The following LYPD6 variants were observed in gnomAD, a reference collection of about 807,000 sequenced individuals.
The protein encoded by LYPD6 is ly6/PLAUR domain-containing protein 6.
LYPD6 carries 15 observed loss-of-function variants against 22.7 expected under a neutral mutation model. That is an observed-to-expected ratio of 0.66 (90% confidence interval 0.44 to 1.02). The LOEUF is 1.02. Among genes scored for constraint, LYPD6 ranks in the 50% least tolerant of loss-of-function variants. The pLI, the probability that LYPD6 is intolerant of heterozygous loss-of-function variation, is 0.00. For missense variants in LYPD6, 189 were observed against 208.4 expected (o/e 0.91, Z 0.57); for synonymous variants, 72 against 77.5 (o/e 0.93, Z 0.37).
intron 1 of LYPD6, among the ~76,000 whole-genome samples, chr2:149,354,759 T>A (rs1020900552): frequency 1.3e-5 from 2 of 152,192 alleles, no homozygotes; most frequent in African/African-American, 4.8e-5. Context: ...AAAGCCGACA[T>A]GCTTCAAGCT....
chr2:149,382,294 C>T lies in LYPD6; in HGVS notation c.-72+51572C>T, dbSNP rs573803000. The stretch of plus-strand genomic sequence containing the variant: ...GGAATTGCTCTTCTTACCTTGCAGT[C>T]ACATCTCATACAATGCTAATTGTGC... On this transcript the variant is annotated intron_variant, in intron 1 of 4. Coordinates refer to ENST00000334166, the MANE Select transcript of LYPD6 (RefSeq NM_194317.5). Among the ~76,000 whole-genome samples the T allele has an allele frequency of 7.9e-5, 12 of 152,260 alleles. No individual in the cohort carries two copies. In the South Asian group the frequency reaches 2.3e-3, roughly 29 times the overall value.
chr2:149,444,020 G>A (rs767697627), intron 2 of LYPD6, among the ~76,000 whole-genome samples: 1 of 140,722 alleles, frequency 7.1e-6, no homozygotes. Context: ...TGCAGCCACC[G>A]CCACCTGGGC....
intron 1 of LYPD6, among the ~76,000 whole-genome samples, chr2:149,398,840 G>C (rs188127592): frequency 6.6e-6 from 1 of 152,028 alleles, no homozygotes; most frequent in East Asian, 1.9e-4. Context: ...CTAACAAAAA[G>C]GTATAAAATA....
chr2:149,452,353 C>T lies in LYPD6; in HGVS notation c.217+3206C>T, dbSNP rs575539887. On this transcript the variant is annotated intron_variant, in intron 3 of 4. Transcript: ENST00000334166. ...TTTCCCACGAGTCTTCTGCTCTTTC[C>T]TCCAGGTTTTCTTCAGATTTTTCTA... 7.8e-4 allele frequency among the ~76,000 whole-genome samples: 119 copies of T among 152,274 alleles called. No individual in the cohort carries two copies. In the South Asian group the frequency reaches 9.5e-3, roughly 12 times the overall value.
chr2:149,406,349 T>G (rs1682707687), intron 1 of LYPD6, among the ~76,000 whole-genome samples: 1 of 151,772 alleles, frequency 6.6e-6, no homozygotes, highest in Admixed American at 6.6e-5. Flanking sequence ...AGTCTCCCAT[T>G]ATTATTGTGT....
At chr2:149,345,522 A>G (rs964369375) in intron 1 of LYPD6, among the ~76,000 whole-genome samples, 1 of 144,724 alleles carries the variant, frequency 6.9e-6, no homozygotes, top group South Asian at 2.2e-4. Flanking sequence ...TCACCATGTT[A>G]GCCAGGACAG....
intron 1 of LYPD6, among the ~76,000 whole-genome samples, chr2:149,429,093 A>G (rs548028289): frequency 6.6e-6 from 1 of 152,100 alleles, no homozygotes; most frequent in Non-Finnish European, 1.5e-5. Flanking sequence ...TGGGAAACCA[A>G]TACCTCCCAC....
At chr2:149,446,841 C>A (rs1020286855) in intron 2 of LYPD6, among the ~76,000 whole-genome samples, 25 of 152,196 alleles carry the variant, frequency 1.6e-4, no homozygotes, top group African/African-American at 6.0e-4. Flanking sequence ...CATGGATGGG[C>A]AGCTATTCTC....
At chr2:149,371,379 G>A (rs979434489) in intron 1 of LYPD6, among the ~76,000 whole-genome samples, 2 of 152,278 alleles carry the variant, frequency 1.3e-5, no homozygotes, top group Middle Eastern at 3.4e-3. Context: ...TACTAGCATG[G>A]GATTCAAGAG....
chr2:149,348,328 A>C (rs1681297795), intron 1 of LYPD6, among the ~76,000 whole-genome samples: 1 of 152,062 alleles, frequency 6.6e-6, no homozygotes, highest in Admixed American at 6.5e-5. Flanking sequence ...AGAAATGTGC[A>C]GTATGTTAGG....
chr2:149,450,631 C>T (rs113460732), intron 3 of LYPD6, among the ~76,000 whole-genome samples: 53 of 152,254 alleles, frequency 3.5e-4, no homozygotes, highest in African/African-American at 1.2e-3. Context: ...GTTTTATTGC[C>T]GTCTGTAGTC....
At chr2:149,451,337 C>G (rs1422667811) in intron 3 of LYPD6, among the ~76,000 whole-genome samples, 1 of 152,160 alleles carries the variant, frequency 6.6e-6, no homozygotes, top group East Asian at 1.9e-4. Context: ...CTTAATCACC[C>G]CTTAAATGCC....
chr2:149,362,307 A>G (rs1347919810), intron 1 of LYPD6, among the ~76,000 whole-genome samples: 1 of 152,208 alleles, frequency 6.6e-6, no homozygotes, highest in Non-Finnish European at 1.5e-5. Flanking sequence ...AAAAGCATAC[A>G]AATTTATTTA....
At chr2:149,452,156 G>A (rs553308517) in intron 3 of LYPD6, among the ~76,000 whole-genome samples, 1 of 152,326 alleles carries the variant, frequency 6.6e-6, no homozygotes, top group African/African-American at 2.4e-5. Context: ...AGTGGATGGG[G>A]AGAGAGCTGA....
chr2:149,432,897 G>A (rs1057288465), intron 1 of LYPD6, among the ~76,000 whole-genome samples: 10 of 152,152 alleles, frequency 6.6e-5, no homozygotes, highest in Non-Finnish European at 1.2e-4. Flanking sequence ...TGACTGACTT[G>A]TGCATAAAAA....
intron 3 of LYPD6, among the ~76,000 whole-genome samples, chr2:149,457,656 C>A (rs1558814762): frequency 1.3e-5 from 2 of 152,164 alleles, no homozygotes; most frequent in African/African-American, 4.8e-5. Flanking sequence ...ATTCACAGAG[C>A]AGTCTGCCCA....
At chr2:149,478,680 T>C (rs1355121225), downstream of LYPD6, among the ~76,000 whole-genome samples, 3 of 152,186 alleles carry the variant, frequency 2.0e-5, no homozygotes, top group East Asian at 1.9e-4. Context: ...AGCCTCAGCC[T>C]CCCAATGTGC....
At chr2:149,466,796 G>A (rs866333747) in intron 3 of LYPD6, among the ~76,000 whole-genome samples, 5 of 151,898 alleles carry the variant, frequency 3.3e-5, no homozygotes, top group South Asian at 2.1e-4. Context: ...TTATCTGCTC[G>A]GATTTACATT....
chr2:149,477,649 GA>G (rs1285759811), downstream of LYPD6, among the ~76,000 whole-genome samples: 1 of 81,550 alleles, frequency 1.2e-5, no homozygotes, highest in East Asian at 3.6e-4. Context: ...AAAAAAAAAA[GA>G]AACAACAACC....
Sources: allele counts gnomAD v4.1 joint callset (sites outside exome capture counted in the v4.1 genomes callset), GRCh38; gene constraint gnomAD v4.1.1; transcripts MANE v1.5; gene names NCBI Gene and HGNC (gene_info 2026-07-23, HGNC 2026-07-21).